PLB1: variants seen among roughly 807,000 people sequenced by gnomAD.
The protein encoded by PLB1 is phospholipase B1.
A neutral mutation model predicts 227.4 loss-of-function variants in PLB1; 242 were observed. The ratio of observed to expected loss-of-function variants is 1.06; its 90% CI spans 0.96 to 1.18. The LOEUF (loss-of-function observed/expected upper bound fraction) is 1.18. Ranked by LOEUF, PLB1 falls within the 50% of genes most tolerant of loss-of-function variation. PLB1 has a pLI of 0.00. For synonymous variants in PLB1, 757 were observed against 682.2 expected, an observed-to-expected ratio of 1.11 and a Z score of -1.71; for missense variants, 1,858 against 1,816.3, an observed-to-expected ratio of 1.02 and a Z score of -0.42.
intron 8 of PLB1, among the ~76,000 whole-genome samples, chr2:28,530,371 G>A (rs751917261): frequency 2.0e-5 from 3 of 152,192 alleles, no homozygotes; most frequent in Non-Finnish European, 4.4e-5. Flanking sequence ...TTTATGAAAT[G>A]GGGTGATAAA....
intron 13 of PLB1, among the ~76,000 whole-genome samples, chr2:28,542,769 T>A (rs565405568): frequency 4.6e-4 from 70 of 152,360 alleles, no homozygotes; most frequent in African/African-American, 1.6e-3. Context: ...CAGTCCCGTG[T>A]CTGGGAACAG....
intron 14 of PLB1, among the ~76,000 whole-genome samples, chr2:28,543,887 A>G (rs1672852932): frequency 1.3e-5 from 2 of 152,302 alleles, no homozygotes; most frequent in Middle Eastern, 3.4e-3. Flanking sequence ...CAGATTCCAA[A>G]GGGCCCCCAG....
rs540105096 is a variant in PLB1 at position 28,597,002 on chromosome 2, G to A, written c.2322-1003G>A. Among the ~76,000 whole-genome samples, 13 of 152,316 alleles carry A rather than the reference G, an allele frequency of 8.5e-5. No homozygotes were observed. The South Asian group carries it at 1.7e-3, about 19-fold the overall frequency. ...GCCTGGGCCAGGCGCGGTGGCTCAC[G>A]CCTGTAATCCCAGCACTTTGGGAGG... is the stretch of plus-strand genomic sequence containing the variant. On this transcript the variant is annotated intron_variant, in intron 33 of 57. Coordinates refer to ENST00000327757, the MANE Select transcript of PLB1 (RefSeq NM_153021.5).
chr2:28,603,978 C>T lies in PLB1; in HGVS notation c.2787C>T (p.Asn929=). The change falls in exon 40 of 58, where the codon AAC becomes AAT. Residue 929 remains asparagine (N), a synonymous_variant. Transcript: ENST00000327757. ...CCTCTTTGTGCAGCGTTTTGTGTAA[C>T]TGCGTTCTGACCCTGCGGGAGAACT... ...CPVQQASVLC[N]CVLTLRENSQ... is the part of the protein sequence containing the mutation. The T allele has an allele frequency of 6.2e-7, 1 of 1,614,234 alleles. No individual in the cohort carries two copies. Among genetic ancestry groups the T allele is most frequent in the Non-Finnish European group, 8.5e-7 (1 of 1,180,014 alleles).
intron 31 of PLB1, among the ~76,000 whole-genome samples, chr2:28,592,233 C>T (rs1167827825): frequency 2.0e-5 from 3 of 152,178 alleles, no homozygotes; most frequent in Admixed American, 6.5e-5. Context: ...CACCTTTAAA[C>T]GGGCTGCACG....
intron 54 of PLB1, among the ~76,000 whole-genome samples, chr2:28,631,776 G>A (rs576629286): frequency 1.3e-5 from 2 of 152,336 alleles, no homozygotes; most frequent in South Asian, 4.1e-4. Context: ...GAGCTGTGTA[G>A]CTAGGGAGCT....
chr2:28,513,282 A>G (rs1283434322), intron 1 of PLB1, among the ~76,000 whole-genome samples: 1 of 152,216 alleles, frequency 6.6e-6, no homozygotes, highest in Non-Finnish European at 1.5e-5. Flanking sequence ...GGAGGAACAG[A>G]TCACTTTTAT....
rs139901006 is a variant in PLB1, at chr2:28,566,142, C to G, written c.1281-654C>G. 3.4e-3 allele frequency among the ~76,000 whole-genome samples: 525 copies of G among 152,280 alleles called. 2 individuals are homozygous for G. Among genetic ancestry groups the G allele is most frequent in the African/African-American group, 0.012 (498 of 41,552 alleles). ...CATCTCTATCTGACACCTGCTTTAA[C>G]CTGAGTGCCGAGTCTCTGGCATCCT... is the stretch of plus-strand genomic sequence containing the variant. On this transcript the variant is annotated intron_variant, in intron 19 of 57. Coordinates refer to ENST00000327757, the MANE Select transcript of PLB1 (RefSeq NM_153021.5).
At chr2:28,592,103 C>G (rs186552321) in intron 31 of PLB1, among the ~76,000 whole-genome samples, 1 of 152,286 alleles carries the variant, frequency 6.6e-6, no homozygotes, top group Non-Finnish European at 1.5e-5. Context: ...GCCCTAGGCT[C>G]TGCAATCACT....
intron 7 of PLB1, 58 bp downstream of exon 7, chr2:28,529,465 T>A: frequency 7.1e-7 from 1 of 1,405,572 alleles, no homozygotes; most frequent in Non-Finnish European, 1.0e-6. Context: ...CTTCAACATA[T>A]AGGTGGGAGG....
At chr2:28,521,046 T>C (rs916319891) in intron 4 of PLB1, among the ~76,000 whole-genome samples, 1 of 152,212 alleles carries the variant, frequency 6.6e-6, no homozygotes, top group Admixed American at 6.5e-5. Flanking sequence ...GTATTTGTCT[T>C]TTTGTGACTG....
At chr2:28,549,104 G>T (rs1277004460) in intron 15 of PLB1, among the ~76,000 whole-genome samples, 173 bp downstream of exon 15, 1 of 152,140 alleles carries the variant, frequency 6.6e-6, no homozygotes, top group African/African-American at 2.4e-5. Flanking sequence ...ACAGTTGTGG[G>T]CCATGAGAGC....
intron 22 of PLB1, among the ~76,000 whole-genome samples, chr2:28,578,369 G>A (rs749570729): frequency 5.3e-5 from 8 of 152,190 alleles, no homozygotes; most frequent in Non-Finnish European, 8.8e-5. Context: ...ATCAGGCTGG[G>A]GCTGCAGATG....
chr2:28,523,103 G>A (rs1669741418), intron 4 of PLB1, among the ~76,000 whole-genome samples: 1 of 152,090 alleles, frequency 6.6e-6, no homozygotes, highest in Non-Finnish European at 1.5e-5. Context: ...TTATGTAAAT[G>A]TTTGTAGAAG....
intron 18 of PLB1, 85 bp from the exon 19 acceptor site, chr2:28,565,195 T>C (rs1286972702): frequency 4.1e-6 from 5 of 1,230,788 alleles, no homozygotes; most frequent in Admixed American, 2.0e-5. Flanking sequence ...CTGGCCAGCA[T>C]AAGAACATAG....
At chr2:28,581,942 C>CA in intron 23 of PLB1, 126 bp from the exon 24 acceptor site, 1 of 809,676 alleles carries the variant, frequency 1.2e-6, no homozygotes, top group South Asian at 1.8e-5. Flanking sequence ...GCCCGGGAGA[C>CA]AGAGTGAGAT....
chr2:28,547,156 G>A lies in PLB1; in HGVS notation c.937-1704G>A, dbSNP rs117311779. On this transcript the variant is annotated intron_variant, in intron 14 of 57. Coordinates refer to ENST00000327757, the MANE Select transcript of PLB1 (RefSeq NM_153021.5). ...GTCAAGGCTGCAATGAACTGTGATC[G>A]CACCACTGCACTCCAATCTGAGCAA... Among the ~76,000 whole-genome samples the A allele has an allele frequency of 3.7e-3, 513 of 140,426 alleles. 11 individuals are homozygous for A. The highest frequency in any genetic ancestry group is 0.028 in the Admixed American group (362 of 13,092). The allele number at this position is 140,426 out of a possible 152,430, so 92.1% of individuals were successfully genotyped here.
In PLB1 at chr2:28,562,540, C is replaced by CAAAAAAAAAAAAAAAAAAA. The variant is rs60393903; in HGVS notation, c.1148-500_1148-482dup. On this transcript the variant is annotated intron_variant, in intron 17 of 57. Coordinates refer to ENST00000327757, the MANE Select transcript of PLB1 (RefSeq NM_153021.5). Reference sequence around the variant, plus strand: ...CTGGAGACAGAGCAAGACTCTGTCTCAAAAAAAAAAAAAAAAAAAGTCAGT... The same window carrying CAAAAAAAAAAAAAAAAAAA: ...CTGGAGACAGAGCAAGACTCTGTCTCAAAAAAAAAAAAAAAAAAAAAAAAAAAAAAAAAAAAAAGTCAGT... Among the ~76,000 whole-genome samples the CAAAAAAAAAAAAAAAAAAA allele has an allele frequency of 6.3e-3, 267 of 42,568 alleles. 62 individuals carry two copies. Among genetic ancestry groups the CAAAAAAAAAAAAAAAAAAA allele is most frequent in the Non-Finnish European group, 6.9e-3 (176 of 25,440 alleles). 27.9% of individuals were successfully genotyped at this position (42,568 alleles called of 152,430 possible).
At chr2:28,601,835 A>G (rs1683953883) in intron 37 of PLB1, 64 bp from the exon 38 acceptor site, 1 of 1,366,226 alleles carries the variant, frequency 7.3e-7, no homozygotes, top group African/African-American at 1.4e-5. Context: ...GGAAGTTGAG[A>G]ACTGCCCCAC....
Sources: gnomAD v4.1 joint callset for allele counts (sites outside exome capture counted in the v4.1 genomes callset) on GRCh38, gnomAD v4.1.1 for gene constraint, MANE v1.5 for transcripts, NCBI Gene and HGNC (gene_info 2026-07-23, HGNC 2026-07-21) for gene names.